The following USP20 variants were observed in gnomAD, a reference collection of about 807,000 sequenced individuals.
The protein encoded by USP20 is ubiquitin specific peptidase 20.
In USP20, 80 loss-of-function variants were observed where a neutral mutation model predicts 124.2. The ratio of observed to expected loss-of-function variants is 0.64; its 90% CI spans 0.54 to 0.78. The LOEUF is 0.78. Ranked by LOEUF, USP20 falls within the 30% of genes least tolerant of loss-of-function variation. The pLI, the probability that USP20 is intolerant of heterozygous loss-of-function variation, is 0.00. For synonymous variants in USP20, 481 were observed against 512.3 expected (o/e 0.94, Z 0.83); for missense variants, 1,043 against 1,244.4 (o/e 0.84, Z 2.44).
In USP20 at chr9:129,875,476, G is replaced by A. The variant is rs768226102; in HGVS notation, c.2215G>A (p.Gly739Arg). 2.5e-6 allele frequency: 4 copies of A among 1,612,884 alleles called. No individual in the cohort carries two copies. Among genetic ancestry groups the A allele is most frequent in the Non-Finnish European group, 3.4e-6 (4 of 1,179,394 alleles). The change falls in exon 20 of 26, where the codon GGA becomes AGA. Residue 739 changes from glycine to arginine, a missense_variant. Gly to Arg is a moderately radical substitution (Grantham distance 125). Transcript: ENST00000372429. Reference protein sequence around the residue: ...ITNQTFLCSHGGIPPHKYHYI... With the variant: ...ITNQTFLCSHRGIPPHKYHYI... Reference sequence around the variant, plus strand: ...CAACCAGACCTTCCTCTGCTCCCACGGAGGTGAGGCGCCCCCTGTGGTGGG... The same window carrying A: ...CAACCAGACCTTCCTCTGCTCCCACAGAGGTGAGGCGCCCCCTGTGGTGGG...
intron 2 of USP20, among the ~76,000 whole-genome samples, chr9:129,850,504 T>G (rs62586269): frequency 0.15 from 22,659 of 152,098 alleles, 2,255 homozygotes; most frequent in African/African-American, 0.27. Flanking sequence ...CCTCATGAGT[T>G]TTAGTAACTC....
intron 3 of USP20, 150 bp from the exon 4 acceptor site, chr9:129,856,157 C>T (rs79066835): frequency 0.075 from 55,656 of 742,440 alleles, 2,508 homozygotes; most frequent in Non-Finnish European, 0.093. Context: ...GGAAGTCTGG[C>T]GAAGGCCTTT....
In USP20 at chr9:129,878,352, C is replaced by G. The variant is rs1438949194; in HGVS notation, c.2424C>G (p.Phe808Leu). The change falls in exon 23 of 26, where the codon TTC becomes TTG. Residue 808 changes from phenylalanine (F) to leucine (L), a missense_variant. Coordinates refer to ENST00000372429, the MANE Select transcript of USP20 (RefSeq NM_001110303.4). ...IDTFIKLNKA[F>L]QAEESPGVIY... ...CCGCCTGCCAGTTGAACAAGGCCTT[C>G]CAGGCCGAGGAGTCGCCGGGCGTCA... The G allele has an allele frequency of 6.3e-7, 1 of 1,595,582 alleles. No individual in the cohort carries two copies. The highest frequency in any genetic ancestry group is 8.5e-7 in the Non-Finnish European group (1 of 1,171,208).
intron 1 of USP20, among the ~76,000 whole-genome samples, chr9:129,846,143 A>G (rs62586260): frequency 0.15 from 21,395 of 146,576 alleles, 2,007 homozygotes; most frequent in African/African-American, 0.26. Flanking sequence ...GTTAGCCAGG[A>G]TGATCTTGAT....
At chr9:129,852,147 G>A (rs902340702) in intron 2 of USP20, among the ~76,000 whole-genome samples, 3 of 152,140 alleles carry the variant, frequency 2.0e-5, no homozygotes, top group African/African-American at 4.8e-5. Context: ...ATCCTTGGAC[G>A]GACATGGATT....
intron 4 of USP20, 142 bp downstream of exon 4, chr9:129,856,502 CAG>C: frequency 2.2e-6 from 2 of 926,274 alleles, no homozygotes; most frequent in Admixed American, 2.1e-5. Flanking sequence ...GGCTGGGGCA[CAG>C]GGGCACAGGA....
intron 21 of USP20, 21 bp downstream of exon 21, chr9:129,875,662 C>T (rs1299949096): frequency 6.2e-7 from 1 of 1,611,306 alleles, no homozygotes; most frequent in South Asian, 1.1e-5. Context: ...GGGAGGCCAA[C>T]TTGTCTCCGT....
intron 14 of USP20, 101 bp downstream of exon 14, chr9:129,869,945 AGGGAGGTCCT>A: frequency 6.9e-7 from 1 of 1,457,630 alleles, no homozygotes; most frequent in African/African-American, 1.4e-5. Flanking sequence ...TTGGGGAACC[AGGGAGGTCCT>A]GGGAGGAGCT....
At chr9:129,845,028 C>CA (rs2032457614) in intron 1 of USP20, among the ~76,000 whole-genome samples, 1 of 152,032 alleles carries the variant, frequency 6.6e-6, no homozygotes, top group East Asian at 1.9e-4. Context: ...ACCAAAAATA[C>CA]AAAAATTAGC....
Position 129,858,101 on chromosome 9 carries a change from A to C in USP20, c.187A>C (p.Ile63Leu). ...AGAATCCTTTGCTGACCACAGCACC[A>C]TTCATGCACAGGTGAGTGTGGTGGC... ...CGESFADHST[I>L]HAQAKKHNLT... Residue 63 changes from isoleucine (I) to leucine (L), a missense_variant, in exon 5 of 26, where the codon ATT (isoleucine) becomes CTT (leucine). By Grantham distance (5) the Ile-to-Leu change is conservative (BLOSUM62 2). Transcript: ENST00000372429. The C allele has an allele frequency of 6.2e-7, 1 of 1,613,884 alleles. No homozygotes were observed. Among genetic ancestry groups the C allele is most frequent in the Non-Finnish European group, 8.5e-7 (1 of 1,179,996 alleles).
At chr9:129,835,536 C>T (rs371439853) in intron 1 of USP20, 37 bp downstream of exon 1, 14 of 250,524 alleles carry the variant, frequency 5.6e-5, no homozygotes, top group African/African-American at 3.0e-4. Context: ...TTCTGTGGGC[C>T]GGGCCTCTGA....
At chr9:129,856,749 C>G (rs2033237403) in intron 4 of USP20, among the ~76,000 whole-genome samples, 1 of 152,160 alleles carries the variant, frequency 6.6e-6, no homozygotes, top group Non-Finnish European at 1.5e-5. Flanking sequence ...ACCTTCATTA[C>G]CCATCTATAA....
At chr9:129,872,351 C>G (rs983143819) in intron 15 of USP20, among the ~76,000 whole-genome samples, 2 of 152,010 alleles carry the variant, frequency 1.3e-5, no homozygotes, top group African/African-American at 4.8e-5. Flanking sequence ...TGGGGTTTTG[C>G]CATGTTGGCC....
chr9:129,851,550 ACG>A (rs1376344318), intron 2 of USP20, among the ~76,000 whole-genome samples: 2 of 150,160 alleles, frequency 1.3e-5, no homozygotes, highest in African/African-American at 2.5e-5. Flanking sequence ...CTTTTAACAC[ACG>A]TGTAGATCCA....
Position 129,879,445 on chromosome 9 carries a change from C to G in USP20, c.2513-128C>G, listed in dbSNP as rs556001674. 1.2e-6 allele frequency: 1 copy of G among 839,812 alleles called. No homozygotes were observed. Among genetic ancestry groups the G allele is most frequent in the Non-Finnish European group, 1.9e-6 (1 of 515,044 alleles). 52.0% of individuals were successfully genotyped at this position (839,812 alleles called of 1,614,324 possible). ...ACAGAGGAGCATTGGGTGGCTCAGG[C>G]GCCTCATCCATTAGAGACTTCACGC... is the stretch of plus-strand genomic sequence containing the variant. On this transcript the variant is annotated intron_variant, in intron 23 of 25. Transcript: ENST00000372429. This position sits in a 1 kb window ranked among gnomAD's most constrained non-coding sequence, Gnocchi z 4.2.
rs2034356861 is a variant in USP20 at position 129,875,613 on chromosome 9, C to T, written c.2272C>T (p.Gln758Ter). ...YIDDLVVILP[Q>*]NVWEHLYNRF... ...CGACGACCTGGTGGTCATCCTGCCC[C>T]AGAACGTCTGGGAGCACCTGTACAA... Residue 758 changes from glutamine to a stop codon, truncating the protein, a stop_gained, in exon 21 of 26, where the codon CAG becomes TAG. Coordinates refer to ENST00000372429, the MANE Select transcript of USP20 (RefSeq NM_001110303.4). LOFTEE classifies it high-confidence loss of function. 1 of 1,614,068 alleles carries T rather than the reference C, an allele frequency of 6.2e-7. No individual in the cohort carries two copies. Among genetic ancestry groups the T allele is most frequent in the Non-Finnish European group, 8.5e-7 (1 of 1,180,006 alleles).
chr9:129,866,328 G>A (rs1416842678), intron 10 of USP20, among the ~76,000 whole-genome samples: 1 of 152,228 alleles, frequency 6.6e-6, no homozygotes, highest in African/African-American at 2.4e-5. Flanking sequence ...TTTTTGGGGA[G>A]TGATAACATG....
chr9:129,875,618 C>T lies in USP20; in HGVS notation c.2277C>T (p.Asn759=), dbSNP rs775421996. ...ACCTGGTGGTCATCCTGCCCCAGAA[C>T]GTCTGGGAGCACCTGTACAACAGGT... The part of the protein sequence containing the change: ...IDDLVVILPQ[N]VWEHLYNRFG... Residue 759 remains asparagine, a synonymous_variant, in exon 21 of 26, where the codon AAC becomes AAT. Transcript: ENST00000372429. 1.5e-5 allele frequency: 25 copies of T among 1,613,912 alleles called. No homozygotes were observed. The highest frequency in any genetic ancestry group is 8.9e-5 in the East Asian group (4 of 44,890).
intron 6 of USP20, among the ~76,000 whole-genome samples, chr9:129,860,299 C>T (rs937919887): frequency 2.7e-5 from 4 of 148,546 alleles, no homozygotes; most frequent in Non-Finnish European, 5.9e-5. Flanking sequence ...CATTGCACTC[C>T]AGCCTGGGCA....
Sources: allele counts gnomAD v4.1 joint callset (sites outside exome capture counted in the v4.1 genomes callset), GRCh38; gene constraint gnomAD v4.1.1; non-coding constraint Gnocchi (gnomAD v3.1); transcripts MANE v1.5; gene names NCBI Gene and HGNC (gene_info 2026-07-23, HGNC 2026-07-21).